Variants in ST6GAL1 observed in about 807,000 individuals in gnomAD.
The protein encoded by ST6GAL1 is ST6 beta-galactoside alpha-2,6-sialyltransferase 1.
A neutral mutation model predicts 38.0 loss-of-function variants in ST6GAL1; 20 were observed. That is an observed-to-expected ratio of 0.53 (90% CI 0.37 to 0.77). The LOEUF (loss-of-function observed/expected upper bound fraction) is 0.77, where lower values mean the gene tolerates loss of function less well. ST6GAL1 is among the 30% of genes least tolerant of loss of function. ST6GAL1 has a pLI of 0.00. For synonymous variants in ST6GAL1, 196 were observed against 188.2 expected (o/e 1.04, Z -0.34); for missense variants, 432 against 496.4 (o/e 0.87, Z 1.23).
At chr3:186,976,281 G>T (rs917542286) in intron 2 of ST6GAL1, among the ~76,000 whole-genome samples, 1 of 152,178 alleles carries the variant, frequency 6.6e-6, no homozygotes, top group Admixed American at 6.5e-5. Context: ...TCCTCCGTAA[G>T]AATTGGAAAC....
At chr3:186,963,222 T>TAA (rs762375199) in intron 1 of ST6GAL1, among the ~76,000 whole-genome samples, 5 of 151,528 alleles carry the variant, frequency 3.3e-5, no homozygotes, top group Non-Finnish European at 7.4e-5. Context: ...TAAATTCACT[T>TAA]TAAAAAAAAC....
intron 2 of ST6GAL1, among the ~76,000 whole-genome samples, chr3:186,966,575 A>G (rs1210241111): frequency 1.3e-5 from 2 of 152,354 alleles, no homozygotes; most frequent in Non-Finnish European, 1.5e-5. Flanking sequence ...ATATCATTCC[A>G]TCTCGGAAGC....
At chr3:187,071,771 C>T (rs1413796084) in intron 5 of ST6GAL1, among the ~76,000 whole-genome samples, 2 of 114,000 alleles carry the variant, frequency 1.8e-5, no homozygotes, top group African/African-American at 8.0e-5. Context: ...TTTGAGACTC[C>T]GCCTCAAAAA....
At chr3:187,056,563 G>C (rs867584708) in intron 5 of ST6GAL1, among the ~76,000 whole-genome samples, 74 of 152,182 alleles carry the variant, frequency 4.9e-4, no homozygotes, top group African/African-American at 1.5e-3. Flanking sequence ...ACATATGAAG[G>C]TTAGTTTGGC....
intron 1 of ST6GAL1, among the ~76,000 whole-genome samples, chr3:186,939,213 A>G (rs1714075773): frequency 6.6e-6 from 1 of 151,910 alleles, no homozygotes; most frequent in Admixed American, 6.6e-5. Flanking sequence ...AGCTGGGACT[A>G]CAGGCATGCA....
intron 2 of ST6GAL1, among the ~76,000 whole-genome samples, chr3:186,985,787 A>G (rs1715897946): frequency 6.6e-6 from 1 of 150,650 alleles, no homozygotes; most frequent in Non-Finnish European, 1.5e-5. Flanking sequence ...AAAAAAAAAA[A>G]GAAAAAAGAA....
chr3:187,037,292 C>G (rs967138920), intron 2 of ST6GAL1, among the ~76,000 whole-genome samples: 7 of 152,018 alleles, frequency 4.6e-5, no homozygotes, highest in African/African-American at 9.7e-5. Context: ...TCTAGTTGCC[C>G]CTCTTGGGTT....
chr3:186,944,884 A>C (rs775204946), intron 1 of ST6GAL1, among the ~76,000 whole-genome samples: 11 of 152,198 alleles, frequency 7.2e-5, no homozygotes, highest in Non-Finnish European at 1.5e-4. Context: ...CTCTGGGAAA[A>C]AGTCTCCAGC....
At chr3:187,005,339 G>T (rs981087186) in intron 2 of ST6GAL1, among the ~76,000 whole-genome samples, 1 of 139,912 alleles carries the variant, frequency 7.1e-6, no homozygotes, top group South Asian at 2.2e-4. Flanking sequence ...GCAGTGGCGC[G>T]ATCTCGGCTC....
intron 4 of ST6GAL1, among the ~76,000 whole-genome samples, chr3:187,050,560 G>GAGAGGAGAC (rs371144529): frequency 6.7e-6 from 1 of 149,588 alleles, no homozygotes; most frequent in Admixed American, 6.7e-5. Context: ...GAGAGAGAGA[G>GAGAGGAGAC]GGAGGGAGGG....
chr3:186,972,306 G>T (rs1358500789), intron 2 of ST6GAL1, among the ~76,000 whole-genome samples: 1 of 151,394 alleles, frequency 6.6e-6, no homozygotes, highest in Non-Finnish European at 1.5e-5. Flanking sequence ...GAGTGCGCCT[G>T]GGAGGGATGT....
intron 6 of ST6GAL1, 130 bp from the exon 7 acceptor site, chr3:187,074,029 A>C (rs2268526): frequency 0.11 from 86,196 of 776,428 alleles, 5,241 homozygotes; most frequent in East Asian, 0.19. Context: ...CTGCAAGAAA[A>C]GGGCTGTGCC....
intron 2 of ST6GAL1, among the ~76,000 whole-genome samples, chr3:187,001,823 G>A (rs1716626729): frequency 1.3e-5 from 2 of 151,942 alleles, no homozygotes; most frequent in South Asian, 4.1e-4. Flanking sequence ...GGGTGTGGTG[G>A]CGCGCGCCTG....
At chr3:186,966,845 G>C (rs16861388) in intron 2 of ST6GAL1, among the ~76,000 whole-genome samples, 2 of 152,152 alleles carry the variant, frequency 1.3e-5, no homozygotes, top group Non-Finnish European at 1.5e-5. Flanking sequence ...CCCGGGGAGC[G>C]CACAAAGACA....
At chr3:186,993,127 C>T (rs892793711) in intron 2 of ST6GAL1, among the ~76,000 whole-genome samples, 2 of 152,130 alleles carry the variant, frequency 1.3e-5, no homozygotes, top group African/African-American at 2.4e-5. Context: ...CGTTTAGCTT[C>T]GGGTGGGGGC....
intron 5 of ST6GAL1, among the ~76,000 whole-genome samples, chr3:187,058,194 G>A (rs905270533): frequency 5.3e-5 from 8 of 152,286 alleles, no homozygotes; most frequent in South Asian, 2.1e-4. Context: ...TTCAGGTACC[G>A]TCTGTCACGA....
intron 2 of ST6GAL1, among the ~76,000 whole-genome samples, chr3:186,966,151 AG>A (rs530165111): frequency 2.0e-5 from 3 of 152,068 alleles, no homozygotes; most frequent in Non-Finnish European, 4.4e-5. Flanking sequence ...CCGCCTGCCT[AG>A]GCCTCCCAAC....
intron 2 of ST6GAL1, among the ~76,000 whole-genome samples, chr3:186,973,271 C>T (rs540070742): frequency 5.3e-5 from 8 of 152,140 alleles, no homozygotes; most frequent in East Asian, 1.9e-4. Flanking sequence ...CCTGACCTCA[C>T]GTGATCTGCC....
chr3:187,064,997 T>C (rs951677304), intron 5 of ST6GAL1, among the ~76,000 whole-genome samples: 1 of 103,622 alleles, frequency 9.7e-6, no homozygotes, highest in African/African-American at 3.7e-5. Context: ...AGCAGCTCTC[T>C]TCTTTTTCTT....
Sources: allele counts gnomAD v4.1 joint callset (sites outside exome capture counted in the v4.1 genomes callset), GRCh38; gene constraint gnomAD v4.1.1; transcripts MANE v1.5; gene names NCBI Gene and HGNC (gene_info 2026-07-23, HGNC 2026-07-21).